Variants in DLG1 observed in about 807,000 individuals in gnomAD.
The protein encoded by DLG1 is disks large homolog 1.
A neutral mutation model predicts 123.4 loss-of-function variants in DLG1; 42 were observed. The observed-to-expected ratio is 0.34, with a 90% CI of 0.27 to 0.44. The LOEUF is 0.44. DLG1 is among the 20% of genes least tolerant of loss of function. DLG1 has a pLI of 1.00. For missense variants in DLG1, 942 were observed against 1,082.6 expected, an observed-to-expected ratio of 0.87 and a Z score of 1.82; for synonymous variants, 317 against 356.2, an observed-to-expected ratio of 0.89 and a Z score of 1.24.
At chr3:197,119,962 A>G (rs1473817542) in intron 11 of DLG1, among the ~76,000 whole-genome samples, 1 of 152,158 alleles carries the variant, frequency 6.6e-6, no homozygotes, top group African/African-American at 2.4e-5. Flanking sequence ...AAAACGAAAA[A>G]CAAGCAAAAA....
rs181360596 is a variant in DLG1 at position 197,191,815 on chromosome 3, G to T, written c.483+2610C>A. Among the ~76,000 whole-genome samples, 262 of 152,182 alleles carry T rather than the reference G, an allele frequency of 1.7e-3. 2 individuals carry two copies. Among genetic ancestry groups the T allele is most frequent in the African/African-American group, 5.9e-3 (244 of 41,496 alleles). ...TAAAATTTCTACAATAACCACTAAA[G>T]GAAGAGAAACAATTTTTAACTTCCA... On this transcript the variant is annotated intron_variant, in intron 5 of 24. Transcript: ENST00000667157.
intron 13 of DLG1, among the ~76,000 whole-genome samples, chr3:197,108,202 G>A (rs1767700119): frequency 2.0e-5 from 3 of 152,060 alleles, no homozygotes; most frequent in Admixed American, 2.0e-4. Context: ...GTTGGATCCA[G>A]GTTGTTATTT....
At position 197,042,800 on chromosome 3, in the gene DLG1, AAC is replaced by A. The variant is rs1432578162; in HGVS notation, c.*1821_*1822del. 2.0e-5 allele frequency: 3 copies of A among 152,242 alleles called. No individual in the cohort carries two copies. The highest frequency in any genetic ancestry group is 7.2e-5 in the African/African-American group (3 of 41,474). 9.4% of individuals were successfully genotyped at this position (152,242 alleles called of 1,614,324 possible). A position where few individuals can be genotyped will look rare whatever the true frequency, so the allele number is the denominator to read the frequency against. On this transcript the variant is annotated 3_prime_UTR_variant, in exon 25 of 25. Coordinates refer to ENST00000667157, the MANE Select transcript of DLG1 (RefSeq NM_001366207.1). Reference sequence around the variant, plus strand: ...GCAGCACTGTGTATTTCAATGTGGTAACACACTCTGCTGCCTAACGGCTCTTG... The same window carrying A: ...GCAGCACTGTGTATTTCAATGTGGTAACACTCTGCTGCCTAACGGCTCTTG...
At position 197,150,935 on chromosome 3, in the gene DLG1, A is replaced by G. The variant is rs143116877; in HGVS notation, c.484-1139T>C. 4.1e-4 allele frequency among the ~76,000 whole-genome samples: 63 copies of G among 152,132 alleles called. 1 individual carries two copies. Among genetic ancestry groups the G allele is most frequent in the South Asian group, 2.5e-3 (12 of 4,830 alleles). On this transcript the variant is annotated intron_variant, in intron 5 of 24. Transcript: ENST00000667157. ...TAGCTAATACTTCATTATATATAAAAATAAAATTAAATATAATACTTTATG... is the reference window on the plus strand; with the variant it reads ...TAGCTAATACTTCATTATATATAAAGATAAAATTAAATATAATACTTTATG...
chr3:197,240,376 G>C (rs115816980), intron 4 of DLG1, among the ~76,000 whole-genome samples: 296 of 152,292 alleles, frequency 1.9e-3, no homozygotes, highest in African/African-American at 6.5e-3. Context: ...GGTAACTAGA[G>C]AGAGCTAAAA....
At chr3:197,161,775 C>T in intron 5 of DLG1, 1 of 1,333,070 alleles carries the variant, frequency 7.5e-7, no homozygotes, top group African/African-American at 1.5e-5. Flanking sequence ...AGGAAAAACA[C>T]CAAAATAAAA....
At chr3:197,128,567 A>G (rs1228503735) in intron 11 of DLG1, among the ~76,000 whole-genome samples, 1 of 152,244 alleles carries the variant, frequency 6.6e-6, no homozygotes, top group Non-Finnish European at 1.5e-5. Context: ...CCTTAAAGGC[A>G]TCTAGACTGG....
At chr3:197,181,421 A>G (rs1577649358) in intron 5 of DLG1, among the ~76,000 whole-genome samples, 1 of 152,296 alleles carries the variant, frequency 6.6e-6, no homozygotes, top group Middle Eastern at 3.4e-3. Context: ...TCATAGGTAT[A>G]TATTATATGC....
intron 4 of DLG1, among the ~76,000 whole-genome samples, chr3:197,244,756 T>C (rs1366770279): frequency 6.6e-6 from 1 of 152,112 alleles, no homozygotes; most frequent in Admixed American, 6.5e-5. Context: ...GATAGGGTCC[T>C]TCCCAAGCTG....
At chr3:197,239,556 A>G (rs1400913938) in intron 4 of DLG1, among the ~76,000 whole-genome samples, 3 of 150,380 alleles carry the variant, frequency 2.0e-5, no homozygotes, top group African/African-American at 4.9e-5. Context: ...CTTCATGAAC[A>G]GTGATACAAA....
At chr3:197,045,590 A>T (rs1256535034) in intron 24 of DLG1, among the ~76,000 whole-genome samples, 1 of 151,342 alleles carries the variant, frequency 6.6e-6, no homozygotes. Flanking sequence ...AAAAAAAAAA[A>T]AATAGCTGGG....
intron 4 of DLG1, among the ~76,000 whole-genome samples, chr3:197,238,424 CAGCAAAGAAATAGAAAGTCTA>C (rs1245498738): frequency 2.6e-5 from 4 of 152,074 alleles, no homozygotes; most frequent in Admixed American, 2.6e-4. Flanking sequence ...TAAAAACTCA[CAGCAAAGAAATAGAAAGTCTA>C]AGCAAAGAAA....
chr3:197,226,405 G>C (rs183573270), intron 4 of DLG1: 1 of 152,194 alleles, frequency 6.6e-6, no homozygotes, highest in Admixed American at 6.5e-5. Flanking sequence ...GGCTGCTTTG[G>C]GGGAGGGGCA....
At chr3:197,246,825 T>C (rs1234604408) in intron 4 of DLG1, among the ~76,000 whole-genome samples, 1 of 152,200 alleles carries the variant, frequency 6.6e-6, no homozygotes, top group Non-Finnish European at 1.5e-5. Flanking sequence ...TTGGGTGAGC[T>C]GTATTGTTAC....
chr3:197,188,649 T>A (rs1172318043), intron 5 of DLG1, among the ~76,000 whole-genome samples: 1 of 152,204 alleles, frequency 6.6e-6, no homozygotes, highest in Non-Finnish European at 1.5e-5. Flanking sequence ...ATTCATATAC[T>A]GACTTCTACA....
chr3:197,289,341 T>TACACACGCATACACACAC (rs1553828758), intron 3 of DLG1, among the ~76,000 whole-genome samples: 10 of 150,286 alleles, frequency 6.7e-5, no homozygotes, highest in African/African-American at 1.2e-4. Flanking sequence ...TACACGCGCA[T>TACACACGCATACACACAC]ACACACACAC....
At chr3:197,260,358 T>C (rs760407155) in intron 4 of DLG1, 4 of 365,822 alleles carry the variant, frequency 1.1e-5, no homozygotes, top group Admixed American at 3.6e-5. Flanking sequence ...ACAAAACATG[T>C]AAATAAAAAT....
intron 14 of DLG1, among the ~76,000 whole-genome samples, chr3:197,101,768 A>G (rs564404218): frequency 2.0e-5 from 3 of 151,408 alleles, no homozygotes; most frequent in South Asian, 2.1e-4. Context: ...GTATAGTATT[A>G]TATTTCCAGT....
intron 4 of DLG1, among the ~76,000 whole-genome samples, chr3:197,206,988 C>T (rs1228499516): frequency 6.6e-6 from 1 of 152,188 alleles, no homozygotes; most frequent in East Asian, 1.9e-4. Flanking sequence ...GTAGGACCTG[C>T]CACCTGTTTT....
Sources: allele counts gnomAD v4.1 joint callset (sites outside exome capture counted in the v4.1 genomes callset), GRCh38; gene constraint gnomAD v4.1.1; transcripts MANE v1.5; gene names NCBI Gene and HGNC (gene_info 2026-07-23, HGNC 2026-07-21).